The following CAPS2 variants were observed in gnomAD, a reference collection of about 807,000 sequenced individuals.
The protein encoded by CAPS2 is calcyphosin-2.
CAPS2 carries 98 observed loss-of-function variants against 86.5 expected under a neutral mutation model. The observed-to-expected ratio is 1.13, with a 90% CI of 0.96 to 1.34. The LOEUF is 1.34. Among genes scored for constraint, CAPS2 ranks in the 40% most tolerant of loss-of-function variants. The pLI is 0.00. For missense variants in CAPS2, 729 were observed against 686.8 expected (o/e 1.06, Z -0.69); for synonymous variants, 210 against 225.1 (o/e 0.93, Z 0.60).
chr12:75,309,169 C>T (rs905726859), intron 7 of CAPS2, among the ~76,000 whole-genome samples: 10 of 152,034 alleles, frequency 6.6e-5, no homozygotes, highest in South Asian at 2.1e-4. Context: ...AAGGCAGACA[C>T]GGGCTAGAGA....
At chr12:75,313,328 T>C (rs915988311) in intron 6 of CAPS2, among the ~76,000 whole-genome samples, 1 of 152,156 alleles carries the variant, frequency 6.6e-6, no homozygotes, top group African/African-American at 2.4e-5. Flanking sequence ...CGTCTAACAC[T>C]ATTCATAGCA....
chr12:75,312,701 A>G, intron 7 of CAPS2, 147 bp downstream of exon 7: 2 of 515,784 alleles, frequency 3.9e-6, no homozygotes, highest in Non-Finnish European at 6.9e-6. Flanking sequence ...AAATGACTAA[A>G]ACACTAACGG....
At chr12:75,390,650 ATTT>A (rs1224884095) in intron 1 of CAPS2, among the ~76,000 whole-genome samples, 1 of 152,212 alleles carries the variant, frequency 6.6e-6, no homozygotes, top group Non-Finnish European at 1.5e-5. Context: ...ATTTAATTGA[ATTT>A]GTATCTGTAT....
At position 75,336,713 on chromosome 12, in the gene CAPS2, T is replaced by G. The variant is rs2041761239; in HGVS notation, c.-394-13491A>C. On this transcript the variant is annotated intron_variant, in intron 1 of 5. Coordinates refer to the CAPS2 transcript ENST00000551829. The stretch of plus-strand genomic sequence containing the variant: ...ACAGTCATAGAGATTTTAATCTTAG[T>G]GAGTAAGAGAACAAGTAGGTAAAAA... Among the ~76,000 whole-genome samples, 2 of 151,558 alleles carry G rather than the reference T, an allele frequency of 1.3e-5. 1 individual carries two copies. Among genetic ancestry groups the G allele is most frequent in the South Asian group, 4.2e-4 (2 of 4,818 alleles).
intron 6 of CAPS2, among the ~76,000 whole-genome samples, chr12:75,315,396 C>T (rs893977658): frequency 5.3e-5 from 8 of 151,830 alleles, no homozygotes; most frequent in Admixed American, 5.3e-4. Flanking sequence ...CATAAATATC[C>T]AAGTAATAAT....
chr12:75,316,537 T>C lies in CAPS2; in HGVS notation c.469-103A>G, dbSNP rs2039782612. 7.7e-6 allele frequency: 8 copies of C among 1,043,476 alleles called. No individual in the cohort carries two copies. In the South Asian group the frequency reaches 1.9e-4, roughly 24 times the overall value. The allele number at this position is 1,043,476 out of a possible 1,614,324, so 64.6% of individuals were successfully genotyped here. On this transcript the variant is annotated intron_variant, in intron 5 of 16. Transcript: ENST00000393284. ...ACTACGGAATATCTCAGTGACTATT[T>C]GTACAACAGTTAAAAGTACAGGCTC... is the stretch of plus-strand genomic sequence containing the variant.
chr12:75,308,902 C>CAA (rs10634496), intron 7 of CAPS2, among the ~76,000 whole-genome samples: 4,238 of 97,640 alleles, frequency 0.043, 284 homozygotes, highest in African/African-American at 0.096. Flanking sequence ...GACTCGGTCT[C>CAA]AAAAAAAAAA....
chr12:75,347,691 A>G (rs758296765), intron 1 of CAPS2: 6 of 1,605,692 alleles, frequency 3.7e-6, no homozygotes, highest in Admixed American at 3.3e-5. Flanking sequence ...GGGAGCTTCA[A>G]CTGCAATATT....
upstream of CAPS2, chr12:75,334,988 T>G: frequency 7.7e-7 from 1 of 1,302,780 alleles, no homozygotes; most frequent in Middle Eastern, 2.6e-4. Flanking sequence ...TAACTTGTAC[T>G]AATTCAATCC....
At chr12:75,326,129 C>T (rs900966416) in intron 1 of CAPS2, among the ~76,000 whole-genome samples, 3 of 151,914 alleles carry the variant, frequency 2.0e-5, no homozygotes, top group African/African-American at 4.8e-5. Flanking sequence ...TAGTAGCAAC[C>T]GTAAAAATTC....
In CAPS2 at chr12:75,320,640, T is replaced by C. The variant is rs149531243; in HGVS notation, c.468+760A>G. On this transcript the variant is annotated intron_variant, in intron 5 of 16. Coordinates refer to ENST00000393284, the Ensembl canonical transcript of CAPS2. ...ATACCCACTTATAAATTTATTATTA[T>C]TTACCTACAGGAAAATGCTAAGCAA... Among the ~76,000 whole-genome samples the C allele has an allele frequency of 2.7e-3, 411 of 152,144 alleles. 10 individuals are homozygous for C. In the East Asian group the frequency reaches 0.066, roughly 25 times the overall value.
chr12:75,348,423 T>C (rs896258809), intron 1 of CAPS2, among the ~76,000 whole-genome samples: 1 of 152,228 alleles, frequency 6.6e-6, no homozygotes, highest in African/African-American at 2.4e-5. Flanking sequence ...TTTTCTTCCA[T>C]GACCTTTCAC....
intron 1 of CAPS2, among the ~76,000 whole-genome samples, chr12:75,357,670 C>A (rs2043241427): frequency 6.6e-6 from 1 of 151,898 alleles, no homozygotes; most frequent in South Asian, 2.1e-4. Flanking sequence ...TGTTTGATGA[C>A]AGCAAAATTA....
At chr12:75,358,902 ATATAT>A (rs1019643160) in intron 1 of CAPS2, among the ~76,000 whole-genome samples, 4 of 134,082 alleles carry the variant, frequency 3.0e-5, no homozygotes, top group African/African-American at 1.1e-4. Flanking sequence ...ACATATAATT[ATATAT>A]TATATTAGTA....
chr12:75,387,350 A>G (rs552114701), intron 1 of CAPS2, among the ~76,000 whole-genome samples: 10 of 152,324 alleles, frequency 6.6e-5, no homozygotes, highest in South Asian at 6.2e-4. Context: ...TAAAATACCA[A>G]TGAAATACCA....
upstream of CAPS2, among the ~76,000 whole-genome samples, chr12:75,331,574 T>A (rs147360139): frequency 0.017 from 2,603 of 152,166 alleles, 74 homozygotes; most frequent in African/African-American, 0.058. Flanking sequence ...TAACTTTTTT[T>A]TTTTTTTGAG....
intron 13 of CAPS2, among the ~76,000 whole-genome samples, chr12:75,290,779 G>C (rs536596081): frequency 1.9e-4 from 29 of 151,776 alleles, no homozygotes; most frequent in Non-Finnish European, 3.2e-4. Flanking sequence ...AGATTTAGCC[G>C]GGTGTGGTGG....
At chr12:75,386,803 T>C (rs886844785) in intron 1 of CAPS2, among the ~76,000 whole-genome samples, 6 of 151,928 alleles carry the variant, frequency 3.9e-5, no homozygotes, top group South Asian at 2.1e-4. Context: ...GGCAATATAA[T>C]GGAGAAATGT....
At chr12:75,326,965 T>C (rs1354439689), upstream of CAPS2, among the ~76,000 whole-genome samples, 1 of 152,118 alleles carries the variant, frequency 6.6e-6, no homozygotes, top group Non-Finnish European at 1.5e-5. Flanking sequence ...GTTCTGAAGA[T>C]GGAGGAAGAG....
Sources: gnomAD v4.1 joint callset for allele counts (sites outside exome capture counted in the v4.1 genomes callset) on GRCh38, gnomAD v4.1.1 for gene constraint, MANE v1.5 for transcripts, NCBI Gene and HGNC (gene_info 2026-07-23, HGNC 2026-07-21) for gene names.